The following OTUD7A variants were observed in gnomAD, a reference collection of about 807,000 sequenced individuals.
OTUD7A encodes the protein OTU deubiquitinase 7A, also known as OTU domain-containing protein 7A.
Under a neutral mutation model 65.7 loss-of-function variants are expected in OTUD7A, and 12 were observed. The observed-to-expected ratio is 0.18, with a 90% CI of 0.12 to 0.30. OTUD7A has a LOEUF of 0.30. OTUD7A is among the 10% of genes least tolerant of loss of function. The pLI, the probability that OTUD7A is intolerant of heterozygous loss-of-function variation, is 1.00. For missense variants in OTUD7A, 1,148 were observed against 1,304.8 expected (o/e 0.88, Z 1.85); for synonymous variants, 641 against 586.3 (o/e 1.09, Z -1.35).
chr15:31,833,602 C>A (rs1041956595), intron 1 of OTUD7A, among the ~76,000 whole-genome samples: 2 of 152,152 alleles, frequency 1.3e-5, no homozygotes, highest in African/African-American at 4.8e-5. Flanking sequence ...CAATGCTTAG[C>A]AAATATGTAT....
intron 1 of OTUD7A, chr15:31,767,350 G>C (rs1895117635): frequency 1.3e-6 from 1 of 773,228 alleles, no homozygotes; most frequent in Non-Finnish European, 2.4e-6. Context: ...AAAGTAAGTA[G>C]AGGTTCAGGG....
Position 31,477,635 on chromosome 15 carries a change from CTCTTA to C in OTUD7A, c.*5654_*5658del, listed in dbSNP as rs2041043200. 6.6e-6 allele frequency: 1 copy of C among 152,134 alleles called. No homozygotes were observed. Among genetic ancestry groups the C allele is most frequent in the African/African-American group, 2.4e-5 (1 of 41,428 alleles). 9.4% of individuals were successfully genotyped at this position (152,134 alleles called of 1,614,324 possible). A position where few individuals can be genotyped will look rare whatever the true frequency, so the allele number is the denominator to read the frequency against. On this transcript the variant is annotated 3_prime_UTR_variant, in exon 13 of 13. Coordinates refer to ENST00000307050, the MANE Select transcript of OTUD7A (RefSeq NM_001382637.1). ...AAAGCTGAAATTGACATTTTCTGGC[CTCTTA>C]ATAGTTTTCAATTTACTGATTTAAT...
chr15:31,672,883 G>A (rs1168497352), intron 1 of OTUD7A, among the ~76,000 whole-genome samples: 1 of 152,260 alleles, frequency 6.6e-6, no homozygotes, highest in South Asian at 2.1e-4. Context: ...GTAAGTGTAG[G>A]ACCTACTGAA....
In OTUD7A at chr15:31,483,420, C is replaced by G. The variant is rs573133773; in HGVS notation, c.2676G>C (p.Pro892=). 349 of 1,367,496 alleles carry G rather than the reference C, an allele frequency of 2.6e-4. 2 individuals carry two copies. The African/African-American group carries it at 5.2e-3, about 20-fold the overall frequency. The allele number at this position is 1,367,496 out of a possible 1,614,324, so 84.7% of individuals were successfully genotyped here. Residue 892 remains proline (P), a synonymous_variant, in exon 13 of 13, where the codon CCG becomes CCC. Coordinates refer to ENST00000307050, the MANE Select transcript of OTUD7A (RefSeq NM_001382637.1). ...TCTCGCGCTGGCAGCGCCGCTGCAC[C>G]GGCCCCGGGCCGCCACGGCCGCACT... ...NGECGRGGPG[P]VQRRCQRENC... is the part of the protein sequence containing the mutation.
At chr15:31,740,244 G>A (rs972347565) in intron 1 of OTUD7A, among the ~76,000 whole-genome samples, 6 of 152,262 alleles carry the variant, frequency 3.9e-5, no homozygotes, top group East Asian at 1.9e-4. Context: ...GGGCAGGTGC[G>A]TCTGAGTGCC....
chr15:31,812,891 T>C (rs1896456682), intron 1 of OTUD7A, among the ~76,000 whole-genome samples: 1 of 152,192 alleles, frequency 6.6e-6, no homozygotes, highest in Non-Finnish European at 1.5e-5. Flanking sequence ...GATAAACATC[T>C]TCTAAAATAT....
chr15:31,761,089 A>C (rs2089005), intron 1 of OTUD7A, among the ~76,000 whole-genome samples: 30,698 of 152,066 alleles, frequency 0.2, 3,540 homozygotes, highest in Admixed American at 0.28. Flanking sequence ...CTTAGAAGAA[A>C]ACATAGCAGT....
In OTUD7A at chr15:31,498,140, T is replaced by C. The variant is rs2041415012; in HGVS notation, c.1171+3550A>G. Among the ~76,000 whole-genome samples the C allele has an allele frequency of 6.6e-6, 1 of 152,200 alleles. No individual in the cohort carries two copies. Among genetic ancestry groups the C allele is most frequent in the South Asian group, 2.1e-4 (1 of 4,832 alleles). ...GTTTGGGACTTTACCAAGAGTTAGC[T>C]GCCATTTTGGACTGTAGAGCCTCCT... On this transcript the variant is annotated intron_variant, in intron 10 of 12. Coordinates refer to ENST00000307050, the MANE Select transcript of OTUD7A (RefSeq NM_001382637.1). This position sits in a 1 kb window ranked among gnomAD's most constrained non-coding sequence, Gnocchi z 4.2.
chr15:31,722,290 C>T (rs1166399452), intron 1 of OTUD7A, among the ~76,000 whole-genome samples: 1 of 152,166 alleles, frequency 6.6e-6, no homozygotes, highest in Non-Finnish European at 1.5e-5. Context: ...GTTTCCAAGC[C>T]TGCCACAGCT....
chr15:31,548,795 T>A (rs748925529), intron 5 of OTUD7A, among the ~76,000 whole-genome samples: 12 of 152,196 alleles, frequency 7.9e-5, no homozygotes, highest in Non-Finnish European at 1.6e-4. Context: ...GGGTATGATA[T>A]CTTTGGAGGG....
At chr15:31,541,455 T>C (rs931676364) in intron 5 of OTUD7A, among the ~76,000 whole-genome samples, 5 of 152,208 alleles carry the variant, frequency 3.3e-5, no homozygotes, top group African/African-American at 1.2e-4. Context: ...CTTGTGTGAA[T>C]GCGTGTAGCA....
intron 1 of OTUD7A, among the ~76,000 whole-genome samples, chr15:31,675,611 C>T (rs1227114984): frequency 6.6e-6 from 1 of 152,098 alleles, no homozygotes; most frequent in Admixed American, 6.5e-5. Flanking sequence ...ACTTTAGAAG[C>T]ATTTCCATCA....
intron 1 of OTUD7A, among the ~76,000 whole-genome samples, chr15:31,723,136 G>A (rs1276062690): frequency 1.3e-5 from 2 of 152,148 alleles, no homozygotes; most frequent in Non-Finnish European, 2.9e-5. Context: ...AGGACCTGGA[G>A]CCCAGCCAGA....
chr15:31,649,456 T>C (rs1252187521), intron 3 of OTUD7A, among the ~76,000 whole-genome samples: 2 of 152,312 alleles, frequency 1.3e-5, no homozygotes, highest in South Asian at 4.1e-4. Flanking sequence ...ATGAGGACCA[T>C]GTACCTTCCG....
chr15:31,567,339 G>A (rs552127746), intron 4 of OTUD7A, among the ~76,000 whole-genome samples: 45 of 152,202 alleles, frequency 3.0e-4, no homozygotes, highest in Admixed American at 5.9e-4. Context: ...ATGATTTAGG[G>A]TATGTGGTAG....
rs1178599755 is a variant in OTUD7A at position 31,860,727 on chromosome 15, A to G, written c.-100+9780T>C. On this transcript the variant is annotated intron_variant, in intron 1 of 12. Transcript: ENST00000307050. ...TATGTATATATATATATTTTTTGGG[A>G]CGGAGTTTCGCTCTGTTGCCCAGGC... Among the ~76,000 whole-genome samples, 3 of 128,650 alleles carry G rather than the reference A, an allele frequency of 2.3e-5. No individual in the cohort carries two copies. The East Asian group carries it at 6.5e-4, about 28-fold the overall frequency. 84.4% of individuals were successfully genotyped at this position (128,650 alleles called of 152,430 possible). A position where few individuals can be genotyped will look rare whatever the true frequency, so the allele number is the denominator to read the frequency against.
intron 1 of OTUD7A, among the ~76,000 whole-genome samples, chr15:31,811,083 C>T (rs1197521845): frequency 6.6e-6 from 1 of 152,190 alleles, no homozygotes; most frequent in African/African-American, 2.4e-5. Flanking sequence ...AAACATTATA[C>T]ACAGGTGAGG....
intron 1 of OTUD7A, among the ~76,000 whole-genome samples, chr15:31,752,073 G>A (rs1894652112): frequency 6.6e-6 from 1 of 152,046 alleles, no homozygotes; most frequent in South Asian, 2.1e-4. Flanking sequence ...ATTTATAAAT[G>A]AATGTGGCAT....
intron 3 of OTUD7A, among the ~76,000 whole-genome samples, chr15:31,610,428 A>C (rs2141221825): frequency 6.6e-6 from 1 of 151,918 alleles, no homozygotes; most frequent in South Asian, 2.1e-4. Context: ...GAAACAATGG[A>C]TTTAAACTAT....
Sources: allele counts gnomAD v4.1 joint callset (sites outside exome capture counted in the v4.1 genomes callset), GRCh38; gene constraint gnomAD v4.1.1; non-coding constraint Gnocchi (gnomAD v3.1); transcripts MANE v1.5; gene names NCBI Gene and HGNC (gene_info 2026-07-23, HGNC 2026-07-21).